DNAAF11: variants seen among roughly 807,000 people sequenced by gnomAD.
DNAAF11 encodes the protein dynein axonemal assembly factor 11, also known as leucine rich repeat containing 6.
In DNAAF11, 45 loss-of-function variants were observed where a neutral mutation model predicts 60.8. That is an observed-to-expected ratio of 0.74 (90% CI 0.58 to 0.95). The LOEUF (loss-of-function observed/expected upper bound fraction) is 0.95, where lower values mean the gene tolerates loss of function less well. DNAAF11 is among the 40% of genes least tolerant of loss of function. The pLI is 0.00. For synonymous variants in DNAAF11, 191 were observed against 183.5 expected, an observed-to-expected ratio of 1.04 and a Z score of -0.33; for missense variants, 546 against 546.2, an observed-to-expected ratio of 1.00 and a Z score of 0.00.
intron 10 of DNAAF11, among the ~76,000 whole-genome samples, chr8:132,606,095 C>A (rs989274153): frequency 2.8e-5 from 4 of 142,534 alleles, no homozygotes; most frequent in Non-Finnish European, 6.0e-5. Flanking sequence ...CCTACTGACA[C>A]TGTATCTTAA....
chr8:132,597,303 C>T (rs1298524490), intron 10 of DNAAF11, among the ~76,000 whole-genome samples: 2 of 152,164 alleles, frequency 1.3e-5, no homozygotes, highest in African/African-American at 4.8e-5. Context: ...GAGAGCACCA[C>T]CTGCCCTGTG....
chr8:132,695,942 G>C, the DNAAF11 span, among the ~76,000 whole-genome samples: 5 of 152,160 alleles, frequency 3.3e-5, no homozygotes, highest in African/African-American at 1.2e-4. Flanking sequence ...TAAGTGAAAA[G>C]GTGTCAGGAC....
intron 11 of DNAAF11, among the ~76,000 whole-genome samples, chr8:132,580,359 C>A (rs1163605903): frequency 2.0e-5 from 3 of 152,080 alleles, no homozygotes; most frequent in African/African-American, 7.2e-5. Flanking sequence ...TGCAGGCATA[C>A]AGAAAATCTA....
At chr8:132,619,388 T>G (rs1319947795) in intron 7 of DNAAF11, among the ~76,000 whole-genome samples, 1 of 152,082 alleles carries the variant, frequency 6.6e-6, no homozygotes, top group Non-Finnish European at 1.5e-5. Context: ...GCATGGCACA[T>G]GTATACATAT....
At chr8:132,673,203 C>A (rs1488593980) in intron 1 of DNAAF11, among the ~76,000 whole-genome samples, 1 of 152,164 alleles carries the variant, frequency 6.6e-6, no homozygotes, top group Non-Finnish European at 1.5e-5. Context: ...CAGAGGAAAT[C>A]TTCGTGGGTT....
chr8:132,618,918 T>TA (rs1399243015), intron 7 of DNAAF11, among the ~76,000 whole-genome samples: 2 of 151,966 alleles, frequency 1.3e-5, no homozygotes, highest in African/African-American at 2.4e-5. Context: ...GAACTAGAAA[T>TA]ACCATGTGAC....
chr8:132,603,601 G>A (rs1192410576), intron 10 of DNAAF11, among the ~76,000 whole-genome samples: 1 of 151,936 alleles, frequency 6.6e-6, no homozygotes, highest in African/African-American at 2.4e-5. Flanking sequence ...AGTGGGGGGT[G>A]GGGGTGTGGG....
intron 11 of DNAAF11, among the ~76,000 whole-genome samples, chr8:132,574,672 G>A (rs80154127): frequency 1.7e-3 from 259 of 152,310 alleles, no homozygotes; most frequent in African/African-American, 5.9e-3. Flanking sequence ...GTGATTATAT[G>A]CTGAGTCCTG....
chr8:132,582,631 G>A (rs1320825118), intron 11 of DNAAF11, among the ~76,000 whole-genome samples: 1 of 152,106 alleles, frequency 6.6e-6, no homozygotes, highest in Non-Finnish European at 1.5e-5. Context: ...TTTTCGGTAG[G>A]AATTCAATTA....
chr8:132,654,978 C>T (rs1333459805), intron 3 of DNAAF11, among the ~76,000 whole-genome samples: 1 of 151,690 alleles, frequency 6.6e-6, no homozygotes, highest in African/African-American at 2.4e-5. Flanking sequence ...AAAGTTGGTT[C>T]TTTGAAAAGA....
rs2130220607 is a variant in DNAAF11 at position 132,620,418 on chromosome 8, T to C, written c.914+2193A>G. ...GGCGTGATCTCGGCTCACTGCAACCTCTGCCTCCCAGGTTCAAGCGATTCT... is the reference window on the plus strand; with the variant it reads ...GGCGTGATCTCGGCTCACTGCAACCCCTGCCTCCCAGGTTCAAGCGATTCT... On this transcript the variant is annotated intron_variant, in intron 7 of 11. Coordinates refer to ENST00000620350, the MANE Select transcript of DNAAF11 (RefSeq NM_012472.6). 2.0e-5 allele frequency among the ~76,000 whole-genome samples: 3 copies of C among 152,310 alleles called. No homozygotes were observed. The East Asian group carries it at 5.8e-4, about 29-fold the overall frequency.
At chr8:132,574,104 C>T (rs1359461356) in intron 11 of DNAAF11, among the ~76,000 whole-genome samples, 12 of 152,172 alleles carry the variant, frequency 7.9e-5, no homozygotes, top group African/African-American at 1.9e-4. Context: ...TCAGATGCCT[C>T]GGTGCCACAA....
At chr8:132,664,612 C>T (rs1380394429) in intron 1 of DNAAF11, among the ~76,000 whole-genome samples, 1 of 151,976 alleles carries the variant, frequency 6.6e-6, no homozygotes, top group Non-Finnish European at 1.5e-5. Context: ...CAGGCATGCG[C>T]CACCACACCC....
chr8:132,631,311 G>A (rs773463534), intron 5 of DNAAF11, among the ~76,000 whole-genome samples: 4 of 152,204 alleles, frequency 2.6e-5, no homozygotes, highest in African/African-American at 4.8e-5. Context: ...CACATGTGTT[G>A]TTAGAGCCGC....
chr8:132,649,635 A>G lies in DNAAF11; in HGVS notation c.256+7195T>C, dbSNP rs537992596. On this transcript the variant is annotated intron_variant, in intron 3 of 11. Coordinates refer to ENST00000620350, the MANE Select transcript of DNAAF11 (RefSeq NM_012472.6). ...TCTACCCATCTGACAAAGGGATAAT[A>G]TCCAGAATCTACAAAGAATTTAAAG... Among the ~76,000 whole-genome samples, 82 of 152,362 alleles carry G rather than the reference A, an allele frequency of 5.4e-4. No individual in the cohort carries two copies. The South Asian group carries it at 8.9e-3, about 17-fold the overall frequency.
chr8:132,634,665 A>G, intron 4 of DNAAF11, among the ~76,000 whole-genome samples: 1 of 150,590 alleles, frequency 6.6e-6, no homozygotes, highest in African/African-American at 2.4e-5. Context: ...TATATGAATC[A>G]ACATAAAAGT....
At chr8:132,674,145 GAAGAGGAGGAGGAGA>G (rs1825499939) in intron 1 of DNAAF11, among the ~76,000 whole-genome samples, 4 of 116,780 alleles carry the variant, frequency 3.4e-5, no homozygotes, top group African/African-American at 1.0e-4. Flanking sequence ...GAAGGAGGAG[GAAGAGGAGGAGGAGA>G]AGGAGAAGGA....
chr8:132,660,125 T>C (rs1422461508), intron 2 of DNAAF11, among the ~76,000 whole-genome samples: 1 of 152,178 alleles, frequency 6.6e-6, no homozygotes, highest in Non-Finnish European at 1.5e-5. Context: ...GGCTTCTCCT[T>C]TCTGCTCCTA....
chr8:132,678,047 A>G (rs79865907), upstream of DNAAF11, among the ~76,000 whole-genome samples: 4 of 152,336 alleles, frequency 2.6e-5, no homozygotes, highest in East Asian at 1.9e-4. Context: ...TTCAAACCAC[A>G]GCAGCCCCTT....
Sources: gnomAD v4.1 joint callset for allele counts (sites outside exome capture counted in the v4.1 genomes callset) on GRCh38, gnomAD v4.1.1 for gene constraint, MANE v1.5 for transcripts, NCBI Gene and HGNC (gene_info 2026-07-23, HGNC 2026-07-21) for gene names.